Variants in CTNND2 observed in about 807,000 individuals in gnomAD.
CTNND2 encodes catenin delta 2.
Under a neutral mutation model 144.4 loss-of-function variants are expected in CTNND2, and 22 were observed. The observed-to-expected ratio is 0.15, with a 90% confidence interval of 0.11 to 0.22. The LOEUF (loss-of-function observed/expected upper bound fraction) is 0.22, where lower values mean the gene tolerates loss of function less well. CTNND2 is among the 10% of genes least tolerant of loss of function. CTNND2 has a pLI of 1.00. For synonymous variants in CTNND2, 751 were observed against 695.6 expected (o/e 1.08, Z -1.25); for missense variants, 1,353 against 1,618.8 (o/e 0.84, Z 2.82).
chr5:11,478,877 A>G (rs1767990913), intron 3 of CTNND2, among the ~76,000 whole-genome samples: 1 of 152,248 alleles, frequency 6.6e-6, no homozygotes, highest in Non-Finnish European at 1.5e-5. Context: ...CGGCCACTGT[A>G]CATTCCATGT....
At chr5:11,575,495 T>A (rs1342140685) in intron 2 of CTNND2, among the ~76,000 whole-genome samples, 4 of 151,088 alleles carry the variant, frequency 2.6e-5, no homozygotes, top group African/African-American at 2.5e-5. Context: ...CTCTGTGTCA[T>A]CATTGTACAT....
chr5:11,836,089 G>C (rs987222155), intron 1 of CTNND2, among the ~76,000 whole-genome samples: 3 of 152,110 alleles, frequency 2.0e-5, no homozygotes, highest in South Asian at 2.1e-4. Flanking sequence ...GAATAATTTA[G>C]AAGTGTGTTG....
intron 3 of CTNND2, among the ~76,000 whole-genome samples, chr5:11,546,630 A>G (rs890983266): frequency 6.6e-5 from 10 of 152,246 alleles, no homozygotes; most frequent in Non-Finnish European, 1.5e-4. Flanking sequence ...CATTTCCAAG[A>G]GTAACAAAAA....
At chr5:11,179,816 T>C (rs1400019128) in intron 11 of CTNND2, among the ~76,000 whole-genome samples, 1 of 152,198 alleles carries the variant, frequency 6.6e-6, no homozygotes. Context: ...TCCAAAATGA[T>C]GCTGCGTAAA....
At chr5:11,777,167 C>A (rs181297162) in intron 1 of CTNND2, among the ~76,000 whole-genome samples, 3 of 152,236 alleles carry the variant, frequency 2.0e-5, no homozygotes, top group Admixed American at 2.0e-4. Flanking sequence ...TTACCATAAT[C>A]GACCCTCAAA....
chr5:11,713,478 T>C (rs13436525), intron 2 of CTNND2, among the ~76,000 whole-genome samples: 2,092 of 150,344 alleles, frequency 0.014, 40 homozygotes, highest in African/African-American at 0.049. Context: ...ACTCAGGAGG[T>C]TGAGGCTGGA....
intron 12 of CTNND2, among the ~76,000 whole-genome samples, chr5:11,125,270 G>A (rs534573810): frequency 6.6e-6 from 1 of 152,286 alleles, no homozygotes; most frequent in South Asian, 2.1e-4. Context: ...GGCAGCATGA[G>A]ACCCTCCAAG....
chr5:11,439,505 A>AGTT (rs1291414671), intron 3 of CTNND2, among the ~76,000 whole-genome samples: 10 of 152,220 alleles, frequency 6.6e-5, no homozygotes, highest in African/African-American at 2.4e-4. Context: ...TAATAGTTGG[A>AGTT]GTTATAGTCG....
intron 2 of CTNND2, among the ~76,000 whole-genome samples, chr5:11,719,146 G>A (rs1204436292): frequency 6.6e-6 from 1 of 152,198 alleles, no homozygotes; most frequent in Non-Finnish European, 1.5e-5. Context: ...AGGCCGTTCA[G>A]TAAGAAAATG....
chr5:11,735,745 C>T (rs967890806), intron 1 of CTNND2, among the ~76,000 whole-genome samples: 1 of 152,180 alleles, frequency 6.6e-6, no homozygotes, highest in African/African-American at 2.4e-5. Context: ...CCATGCAAGA[C>T]ATGCCTTTGC....
At chr5:11,425,700 A>C (rs1762720534) in intron 3 of CTNND2, among the ~76,000 whole-genome samples, 1 of 152,206 alleles carries the variant, frequency 6.6e-6, no homozygotes, top group Non-Finnish European at 1.5e-5. Context: ...TCCACTGGAA[A>C]TGTCCCTGGA....
intron 1 of CTNND2, among the ~76,000 whole-genome samples, chr5:11,743,109 A>G (rs1285683094): frequency 6.6e-6 from 1 of 152,248 alleles, no homozygotes; most frequent in Non-Finnish European, 1.5e-5. Context: ...ACTATAAACA[A>G]TTAGGGCAGA....
chr5:11,879,810 C>T (rs1317172583), intron 1 of CTNND2, among the ~76,000 whole-genome samples: 1 of 152,140 alleles, frequency 6.6e-6, no homozygotes, highest in Non-Finnish European at 1.5e-5. Flanking sequence ...GTGGGTAGGG[C>T]TGTTCTCCAG....
At chr5:11,011,409 G>T (rs1275640081) in intron 18 of CTNND2, among the ~76,000 whole-genome samples, 2 of 151,966 alleles carry the variant, frequency 1.3e-5, no homozygotes, top group Admixed American at 1.3e-4. Flanking sequence ...TAGAGATGGG[G>T]TTTTACCATG....
intron 2 of CTNND2, among the ~76,000 whole-genome samples, chr5:11,610,853 A>T (rs1398291735): frequency 2.6e-5 from 4 of 152,178 alleles, no homozygotes; most frequent in African/African-American, 7.2e-5. Context: ...TGATCAAAGG[A>T]AGCTCTTGTT....
intron 9 of CTNND2, among the ~76,000 whole-genome samples, chr5:11,284,748 G>A (rs1221027931): frequency 1.3e-5 from 2 of 152,168 alleles, no homozygotes; most frequent in Non-Finnish European, 2.9e-5. Context: ...CTTTATAACA[G>A]AATGATTTAT....
intron 18 of CTNND2, among the ~76,000 whole-genome samples, chr5:11,011,619 C>T (rs937727904): frequency 2.0e-5 from 3 of 152,198 alleles, no homozygotes; most frequent in Non-Finnish European, 4.4e-5. Flanking sequence ...GGACCATAAG[C>T]TGAACATTGG....
intron 8 of CTNND2, among the ~76,000 whole-genome samples, chr5:11,347,746 A>T (rs746458446): frequency 1.3e-5 from 2 of 152,224 alleles, no homozygotes; most frequent in African/African-American, 4.8e-5. Context: ...CTAATTATCA[A>T]TTATACATCT....
At chr5:11,425,424 G>T (rs1425069887) in intron 3 of CTNND2, among the ~76,000 whole-genome samples, 7 of 152,106 alleles carry the variant, frequency 4.6e-5, no homozygotes, top group Admixed American at 3.9e-4. Context: ...TTTATTTCCA[G>T]CATTTAGCAT....
Sources: gnomAD v4.1 joint callset for allele counts (sites outside exome capture counted in the v4.1 genomes callset) on GRCh38, gnomAD v4.1.1 for gene constraint, MANE v1.5 for transcripts, NCBI Gene and HGNC (gene_info 2026-07-23, HGNC 2026-07-21) for gene names.